RGS7: variants seen among roughly 807,000 people sequenced by gnomAD.
RGS7 encodes regulator of G protein signaling 7, also known as regulator of G-protein signaling 7.
A neutral mutation model predicts 81.1 loss-of-function variants in RGS7; 27 were observed. The ratio of observed to expected loss-of-function variants is 0.33; its 90% CI spans 0.25 to 0.46. The LOEUF (loss-of-function observed/expected upper bound fraction) is 0.46, where lower values mean the gene tolerates loss of function less well. Among genes scored for constraint, RGS7 ranks in the 20% least tolerant of loss-of-function variants. The pLI is 1.00. For missense variants in RGS7, 396 were observed against 607.4 expected, an observed-to-expected ratio of 0.65 and a Z score of 3.66; for synonymous variants, 208 against 207.7, an observed-to-expected ratio of 1.00 and a Z score of -0.01.
chr1:241,038,428 A>G (rs77337424), intron 3 of RGS7, among the ~76,000 whole-genome samples: 2 of 152,238 alleles, frequency 1.3e-5, no homozygotes, highest in Non-Finnish European at 2.9e-5. Context: ...TCACAAGGCC[A>G]CAACATATCC....
intron 3 of RGS7, among the ~76,000 whole-genome samples, chr1:241,009,950 C>T (rs1438454748): frequency 3.3e-5 from 5 of 152,050 alleles, no homozygotes; most frequent in Non-Finnish European, 5.9e-5. Context: ...AACCAAACAC[C>T]GCATGTTCTC....
rs1686490012 is a variant in RGS7, at chr1:240,991,725, T to A, written c.176-8596A>T. 5.3e-5 allele frequency among the ~76,000 whole-genome samples: 8 copies of A among 152,328 alleles called. No individual in the cohort carries two copies. In the South Asian group the frequency reaches 1.7e-3, roughly 32 times the overall value. On this transcript the variant is annotated intron_variant, in intron 3 of 18. Coordinates refer to ENST00000440928, the MANE Select transcript of RGS7 (RefSeq NM_001364886.1). ...CAAAGAAAATAAAACAAGTAATAAGTGTGTAAAATGTTCAGATATAACTAT... is the reference window on the plus strand; with the variant it reads ...CAAAGAAAATAAAACAAGTAATAAGAGTGTAAAATGTTCAGATATAACTAT...
intron 3 of RGS7, among the ~76,000 whole-genome samples, chr1:240,988,473 ATGAAG>A (rs1280750954): frequency 6.6e-6 from 1 of 152,166 alleles, no homozygotes; most frequent in East Asian, 1.9e-4. Flanking sequence ...TGTTTGAGAA[ATGAAG>A]TGATTTGCTT....
chr1:241,069,026 A>G (rs1420425327), intron 3 of RGS7, among the ~76,000 whole-genome samples: 1 of 152,028 alleles, frequency 6.6e-6, no homozygotes, highest in Non-Finnish European at 1.5e-5. Flanking sequence ...TTCTGCCATG[A>G]CTGGAAGCTC....
At chr1:240,970,871 C>G (rs80095883) in intron 4 of RGS7, among the ~76,000 whole-genome samples, 61,804 of 151,342 alleles carry the variant, frequency 0.41, 13,059 homozygotes, top group East Asian at 0.67. Flanking sequence ...CCCAGCTACA[C>G]AGGGAGCTGA....
intron 3 of RGS7, among the ~76,000 whole-genome samples, chr1:241,087,214 C>T (rs1306375414): frequency 2.0e-5 from 3 of 152,102 alleles, no homozygotes; most frequent in Admixed American, 6.5e-5. Context: ...ACTTCAGATA[C>T]CCACTTCAAA....
At chr1:241,087,801 T>C (rs1050018116) in intron 3 of RGS7, among the ~76,000 whole-genome samples, 1 of 151,728 alleles carries the variant, frequency 6.6e-6, no homozygotes, top group African/African-American at 2.4e-5. Context: ...CTACAAAAAT[T>C]AGCTGGGCGT....
chr1:240,875,493 T>C (rs1370223722), intron 6 of RGS7, among the ~76,000 whole-genome samples: 1 of 152,232 alleles, frequency 6.6e-6, no homozygotes, highest in Non-Finnish European at 1.5e-5. Context: ...GTAATGAACG[T>C]GGAAGTTCAG....
chr1:241,299,345 T>G (rs2079602784), intron 2 of RGS7, among the ~76,000 whole-genome samples: 1 of 152,074 alleles, frequency 6.6e-6, no homozygotes, highest in African/African-American at 2.4e-5. Context: ...TCCTAGATGA[T>G]TCATACATTT....
intron 9 of RGS7, among the ~76,000 whole-genome samples, chr1:240,829,950 T>C (rs1693545126): frequency 6.6e-6 from 1 of 152,004 alleles, no homozygotes; most frequent in Non-Finnish European, 1.5e-5. Flanking sequence ...CAAAGAAAGA[T>C]AAAGGTAAGA....
chr1:241,030,070 C>T (rs1201365967), intron 3 of RGS7, among the ~76,000 whole-genome samples: 1 of 152,104 alleles, frequency 6.6e-6, no homozygotes, highest in Non-Finnish European at 1.5e-5. Context: ...AACTATTACA[C>T]TGAGAGTAAA....
chr1:240,936,742 C>T (rs1218261178), intron 4 of RGS7, 36 bp from the exon 5 acceptor site: 1 of 1,488,182 alleles, frequency 6.7e-7, no homozygotes, highest in Admixed American at 1.7e-5. Context: ...CATAAAAAAG[C>T]CTTTTAAATG....
chr1:241,060,978 C>T (rs1397249466), intron 3 of RGS7, among the ~76,000 whole-genome samples: 1 of 152,198 alleles, frequency 6.6e-6, no homozygotes, highest in Non-Finnish European at 1.5e-5. Context: ...GGTCACCTGC[C>T]CCTCAGGCTG....
At chr1:240,893,790 G>T (rs1423814557) in intron 6 of RGS7, among the ~76,000 whole-genome samples, 1 of 152,074 alleles carries the variant, frequency 6.6e-6, no homozygotes, top group African/African-American at 2.4e-5. Context: ...AAGTTACTAA[G>T]CATATGAGAT....
chr1:240,789,254 G>A (rs776394697), intron 18 of RGS7, among the ~76,000 whole-genome samples: 100 of 152,068 alleles, frequency 6.6e-4, no homozygotes, highest in Non-Finnish European at 1.1e-3. Flanking sequence ...TCTTAATCCC[G>A]TCATCTTCAT....
At chr1:240,948,651 C>T (rs1679049469) in intron 4 of RGS7, among the ~76,000 whole-genome samples, 1 of 151,926 alleles carries the variant, frequency 6.6e-6, no homozygotes, top group Non-Finnish European at 1.5e-5. Context: ...CCATGTTGGC[C>T]AGGCTGGTCT....
At position 240,994,458 on chromosome 1, in the gene RGS7, G is replaced by C. The variant is rs139186598; in HGVS notation, c.176-11329C>G. ...AAACAGTATTGTGTTTTTGATTTCA[G>C]CATCCACATGTTCACTGTTAGTATA... On this transcript the variant is annotated intron_variant, in intron 3 of 18. Coordinates refer to ENST00000440928, the MANE Select transcript of RGS7 (RefSeq NM_001364886.1). Among the ~76,000 whole-genome samples the C allele has an allele frequency of 2.1e-3, 324 of 152,144 alleles. 1 individual carries two copies. The highest frequency in any genetic ancestry group is 7.5e-3 in the African/African-American group (310 of 41,514).
chr1:241,347,774 G>A (rs1399188626), intron 2 of RGS7, among the ~76,000 whole-genome samples: 2 of 151,902 alleles, frequency 1.3e-5, no homozygotes, highest in Non-Finnish European at 2.9e-5. Flanking sequence ...ACCACTGAAA[G>A]TTTCAAAAAA....
intron 3 of RGS7, among the ~76,000 whole-genome samples, chr1:241,094,760 T>C (rs1410368256): frequency 6.6e-6 from 1 of 152,242 alleles, no homozygotes; most frequent in Non-Finnish European, 1.5e-5. Context: ...TGGGTCTGGA[T>C]TGCAGATGTT....
Sources: allele counts gnomAD v4.1 joint callset (sites outside exome capture counted in the v4.1 genomes callset), GRCh38; gene constraint gnomAD v4.1.1; transcripts MANE v1.5; gene names NCBI Gene and HGNC (gene_info 2026-07-23, HGNC 2026-07-21).